Variants in LGI2 observed in about 807,000 individuals in gnomAD.
LGI2 encodes the protein leucine-rich repeat LGI family member 2.
In LGI2, 30 loss-of-function variants were observed where a neutral mutation model predicts 52.0. The ratio of observed to expected loss-of-function variants is 0.58; its 90% CI spans 0.43 to 0.78. The LOEUF is 0.78. LGI2 is among the 30% of genes least tolerant of loss of function. The pLI is 0.00. For missense variants in LGI2, 573 were observed against 692.5 expected, an observed-to-expected ratio of 0.83 and a Z score of 1.94; for synonymous variants, 270 against 271.8, an observed-to-expected ratio of 0.99 and a Z score of 0.06.
intron 6 of LGI2, among the ~76,000 whole-genome samples, chr4:25,017,541 C>CAAAAAAAAAA (rs66740392): frequency 6.0e-4 from 32 of 53,242 alleles, no homozygotes; most frequent in African/African-American, 2.5e-3. Context: ...GACTCTGCCT[C>CAAAAAAAAAA]AAAAAAAAAA....
rs1229936115 is a variant in LGI2, at chr4:25,001,004, A to G, written c.*2447T>C. The G allele has an allele frequency of 6.6e-6, 1 of 152,234 alleles. No individual in the cohort carries two copies. Among genetic ancestry groups the G allele is most frequent in the East Asian group, 1.9e-4 (1 of 5,200 alleles). 9.4% of individuals were successfully genotyped at this position (152,234 alleles called of 1,614,324 possible). A position where few individuals can be genotyped will look rare whatever the true frequency, so the allele number is the denominator to read the frequency against. On this transcript the variant is annotated 3_prime_UTR_variant, in exon 8 of 8. Transcript: ENST00000382114. Reference sequence around the variant, plus strand: ...CTTCCACAGCACAGGCGCTCTGTAGACTACAGGCTTTAGTCTTGTATAAAA... The same window carrying G: ...CTTCCACAGCACAGGCGCTCTGTAGGCTACAGGCTTTAGTCTTGTATAAAA...
Position 25,030,596 on chromosome 4 carries a change from A to G in LGI2, c.98T>C (p.Leu33Pro). 1 of 1,564,854 alleles carries G rather than the reference A, an allele frequency of 6.4e-7. No homozygotes were observed. ...GCTGCAAGTGGCGGGGCAGCGCGCC[A>G]GCCGCCTCACCTGCGCGCTCCGCGG... Reference protein sequence around the residue: ...LIPRSAQVRRLARCPATCSCT... With the variant: ...LIPRSAQVRRPARCPATCSCT... Residue 33 changes from leucine (L) to proline (P), a missense_variant, in exon 1 of 8, where the codon CTG becomes CCG. Physicochemically the swap from Leu to Pro is moderately conservative, Grantham distance 98. Coordinates refer to ENST00000382114, the MANE Select transcript of LGI2 (RefSeq NM_018176.4).
downstream of LGI2, among the ~76,000 whole-genome samples, chr4:24,994,847 G>A (rs1053745223): frequency 6.6e-6 from 1 of 152,148 alleles, no homozygotes; most frequent in East Asian, 1.9e-4. Flanking sequence ...AGATATCATG[G>A]ATAGTCTTCA....
chr4:25,009,351 C>G (rs1032139425), intron 7 of LGI2, among the ~76,000 whole-genome samples: 6 of 152,134 alleles, frequency 3.9e-5, no homozygotes, highest in Non-Finnish European at 8.8e-5. Context: ...TGCTCTTCCC[C>G]CCTCTCCATG....
intron 3 of LGI2, among the ~76,000 whole-genome samples, chr4:25,025,464 A>G (rs1057041153): frequency 2.0e-5 from 3 of 152,194 alleles, no homozygotes; most frequent in African/African-American, 7.2e-5. Flanking sequence ...AAGCTCTCTA[A>G]GCTACTAGGA....
chr4:24,992,272 C>T, the LGI2 span, among the ~76,000 whole-genome samples: 1 of 152,264 alleles, frequency 6.6e-6, no homozygotes, highest in East Asian at 1.9e-4. Context: ...ATTTCAAGCC[C>T]CCTAAACTAT....
Position 25,004,009 on chromosome 4 carries a change from T to G in LGI2, c.1080A>C (p.Gly360=). ...LSTVYKWNSK[G]FYSYQSLHEW... ...CGTGCAGTGACTGGTAAGAATAGAA[T>G]CCTTTGCTGTTCCATTTATAAACTG... The change falls in exon 8 of 8, where the codon GGA becomes GGC. Residue 360 remains glycine (G), a synonymous_variant. Coordinates refer to ENST00000382114, the MANE Select transcript of LGI2 (RefSeq NM_018176.4). This position sits in a 1 kb window ranked among gnomAD's most constrained non-coding sequence, Gnocchi z 4.6. The G allele has an allele frequency of 6.2e-7, 1 of 1,614,168 alleles. No homozygotes were observed. The highest frequency in any genetic ancestry group is 8.5e-7 in the Non-Finnish European group (1 of 1,180,044).
intron 1 of LGI2, among the ~76,000 whole-genome samples, chr4:25,030,084 AC>A (rs1353141450): frequency 8.4e-6 from 1 of 119,154 alleles, no homozygotes; most frequent in Non-Finnish European, 1.9e-5. Flanking sequence ...CACAACTCCA[AC>A]CCGCAAACAC....
chr4:25,024,506 T>C (rs998170928), intron 4 of LGI2, among the ~76,000 whole-genome samples: 1 of 151,966 alleles, frequency 6.6e-6, no homozygotes, highest in Non-Finnish European at 1.5e-5. Context: ...AGAGTGAGAC[T>C]CCGTCTCAAA....
downstream of LGI2, among the ~76,000 whole-genome samples, chr4:24,994,357 G>T (rs12648866): frequency 1.3e-5 from 2 of 151,948 alleles, no homozygotes; most frequent in South Asian, 2.1e-4. Flanking sequence ...GGATAAGAAG[G>T]GTTGCCTTGT....
At chr4:25,026,463 T>G (rs551027066) in intron 3 of LGI2, among the ~76,000 whole-genome samples, 2 of 152,020 alleles carry the variant, frequency 1.3e-5, no homozygotes, top group Non-Finnish European at 2.9e-5. Context: ...CAACATGAAG[T>G]TGTACCCCCC....
intron 7 of LGI2, among the ~76,000 whole-genome samples, chr4:25,007,363 C>T (rs544502752): frequency 3.3e-5 from 5 of 152,290 alleles, no homozygotes; most frequent in East Asian, 1.9e-4. Flanking sequence ...TCTTCAAAAG[C>T]GGCATTGATT....
At chr4:25,023,793 G>A (rs141884281) in intron 4 of LGI2, among the ~76,000 whole-genome samples, 42 of 152,208 alleles carry the variant, frequency 2.8e-4, no homozygotes, top group Non-Finnish European at 4.9e-4. Context: ...CCTGGCTAAC[G>A]AATTACTCCT....
Position 25,029,151 on chromosome 4 carries a change from T to C in LGI2, c.198-573A>G, listed in dbSNP as rs568414920. On this transcript the variant is annotated intron_variant, in intron 1 of 7. Coordinates refer to ENST00000382114, the MANE Select transcript of LGI2 (RefSeq NM_018176.4). ...GAGGCAAGATGCTTGGCTTTATTTC[T>C]GCCCCCAGGCCCCCATCCTTTCTGG... Among the ~76,000 whole-genome samples the C allele has an allele frequency of 3.9e-5, 6 of 152,332 alleles. No individual in the cohort carries two copies. In the South Asian group the frequency reaches 1.2e-3, roughly 32 times the overall value.
At chr4:24,993,750 T>C in the LGI2 span, among the ~76,000 whole-genome samples, 1 of 152,250 alleles carries the variant, frequency 6.6e-6, no homozygotes, top group Non-Finnish European at 1.5e-5. Flanking sequence ...TCATTGTCTA[T>C]GATTCCATGC....
chr4:25,023,305 G>T (rs1000804525), intron 4 of LGI2, among the ~76,000 whole-genome samples: 1 of 152,134 alleles, frequency 6.6e-6, no homozygotes, highest in Non-Finnish European at 1.5e-5. Flanking sequence ...ACGACTCCAA[G>T]CCCACAATTG....
chr4:25,022,131 C>T lies in LGI2; in HGVS notation c.413+2689G>A, dbSNP rs540883873. Reference sequence around the variant, plus strand: ...AGTCCTGCCCTGCAGGAGCTTCCAACGTGCTGGGAGATAAAACGAACACCC... The same window carrying T: ...AGTCCTGCCCTGCAGGAGCTTCCAATGTGCTGGGAGATAAAACGAACACCC... On this transcript the variant is annotated intron_variant, in intron 4 of 7. Transcript: ENST00000382114. Among the ~76,000 whole-genome samples the T allele has an allele frequency of 7.2e-5, 11 of 152,228 alleles. No homozygotes were observed. The East Asian group carries it at 1.7e-3, about 24-fold the overall frequency.
At chr4:25,020,670 T>G (rs1725926763) in intron 4 of LGI2, among the ~76,000 whole-genome samples, 1 of 152,186 alleles carries the variant, frequency 6.6e-6, no homozygotes, top group African/African-American at 2.4e-5. Context: ...AAGAAATGAC[T>G]CTTCCTACCT....
Position 25,012,387 on chromosome 4 carries a change from C to T in LGI2, c.768G>A (p.Val256=), listed in dbSNP as rs1725616009. 1 of 1,614,284 alleles carries T rather than the reference C, an allele frequency of 6.2e-7. No homozygotes were observed. The highest frequency in any genetic ancestry group is 1.3e-5 in the African/African-American group (1 of 75,076). ...IAQPSMENCM[V]LEWDHIEMNF... is the part of the protein sequence containing the mutation. The stretch of plus-strand genomic sequence containing the variant: ...TCATTTCAATGTGGTCCCACTCCAG[C>T]ACCATGCAGTTCTCCATGCTGGGCT... Residue 256 remains valine, a synonymous_variant, in exon 7 of 8, where the codon GTG becomes GTA. Coordinates refer to ENST00000382114, the MANE Select transcript of LGI2 (RefSeq NM_018176.4).
Sources: gnomAD v4.1 joint callset for allele counts (sites outside exome capture counted in the v4.1 genomes callset) on GRCh38, gnomAD v4.1.1 for gene constraint, Gnocchi (gnomAD v3.1) non-coding constraint, MANE v1.5 for transcripts, NCBI Gene and HGNC (gene_info 2026-07-23, HGNC 2026-07-21) for gene names.